KLF3: variants seen among roughly 807,000 people sequenced by gnomAD.
KLF3 encodes the protein KLF transcription factor 3.
KLF3 carries 6 observed loss-of-function variants against 32.7 expected under a neutral mutation model. The ratio of observed to expected loss-of-function variants is 0.18; its 90% CI spans 0.10 to 0.36. KLF3 has a LOEUF of 0.36. Ranked by LOEUF, KLF3 falls within the 10% of genes least tolerant of loss-of-function variation. The probability of loss-of-function intolerance (pLI) is 1.00; values close to 1 mark genes in which losing one functional copy is unlikely to be tolerated. For synonymous variants in KLF3, 145 were observed against 172.8 expected, an observed-to-expected ratio of 0.84 and a Z score of 1.26; for missense variants, 338 against 449.7, an observed-to-expected ratio of 0.75 and a Z score of 2.25.
intron 2 of KLF3, chr4:38,680,942 C>T (rs1011140269): frequency 5.8e-5 from 18 of 308,556 alleles, no homozygotes; most frequent in Admixed American, 2.0e-4. Context: ...CCCAGCTACT[C>T]GGGAGGCTGA....
Position 38,688,290 on chromosome 4 carries a change from G to A in KLF3, c.58-295G>A, listed in dbSNP as rs1243395537. ...CTGTCTTAGAATTTTGCCAGGTATC[G>A]GCCTTAATGTTTGACACAGGAATCA... On this transcript the variant is annotated intron_variant, in intron 2 of 5. Transcript: ENST00000261438. The surrounding 1 kb of genome is among the most constrained non-coding windows in gnomAD (Gnocchi z 4.9). 6.6e-6 allele frequency among the ~76,000 whole-genome samples: 1 copy of A among 152,096 alleles called. No homozygotes were observed. The highest frequency in any genetic ancestry group is 2.4e-5 in the African/African-American group (1 of 41,398).
At chr4:38,679,679 C>A (rs544642023) in intron 1 of KLF3, among the ~76,000 whole-genome samples, 4 of 152,114 alleles carry the variant, frequency 2.6e-5, no homozygotes, top group African/African-American at 4.8e-5. Flanking sequence ...CACAGTGGCA[C>A]GGGGGATTTG....
In KLF3 at chr4:38,697,273, T is replaced by C. The variant is rs1212764242; in HGVS notation, c.*10T>C. 6.3e-7 allele frequency: 1 copy of C among 1,592,000 alleles called. No homozygotes were observed. Among genetic ancestry groups the C allele is most frequent in the Non-Finnish European group, 8.6e-7 (1 of 1,166,116 alleles). On this transcript the variant is annotated 3_prime_UTR_variant, in exon 6 of 6. Transcript: ENST00000261438. Reference sequence around the variant, plus strand: ...CCACATGCTAGTCTGATTGCCTCTGTGTCCTGCCTCAGCGTGACTCCCCAC... The same window carrying C: ...CCACATGCTAGTCTGATTGCCTCTGCGTCCTGCCTCAGCGTGACTCCCCAC...
In KLF3 at chr4:38,671,402, ATG is replaced by A. The variant is rs1475955236; in HGVS notation, c.-40+6945_-40+6946del. Among the ~76,000 whole-genome samples the A allele has an allele frequency of 6.6e-6, 1 of 152,208 alleles. No individual in the cohort carries two copies. Among genetic ancestry groups the A allele is most frequent in the Non-Finnish European group, 1.5e-5 (1 of 68,032 alleles). On this transcript the variant is annotated intron_variant, in intron 1 of 5. Coordinates refer to ENST00000261438, the MANE Select transcript of KLF3 (RefSeq NM_016531.6). This position sits in a 1 kb window ranked among gnomAD's most constrained non-coding sequence, Gnocchi z 4.4. ...AATTGCCTAATTTGGGGCCTTCAGA[ATG>A]TGTCTTTTGATCTTGCATCCAAGTG... is the stretch of plus-strand genomic sequence containing the variant.
At chr4:38,677,386 A>T (rs911207480) in intron 1 of KLF3, among the ~76,000 whole-genome samples, 9 of 152,246 alleles carry the variant, frequency 5.9e-5, no homozygotes, top group Non-Finnish European at 1.5e-5. Flanking sequence ...TGATAAAAAG[A>T]TGTAGCACAT....
At chr4:38,682,098 G>A (rs1012931632) in intron 2 of KLF3, among the ~76,000 whole-genome samples, 15 of 152,250 alleles carry the variant, frequency 9.9e-5, no homozygotes, top group African/African-American at 3.4e-4. Context: ...TCACTCTGTC[G>A]CCTAGGCGGG....
At chr4:38,689,147 A>G in intron 3 of KLF3, 76 bp downstream of exon 3, 1 of 1,555,506 alleles carries the variant, frequency 6.4e-7, no homozygotes, top group Non-Finnish European at 8.8e-7. Context: ...TGGGTGAGGA[A>G]GCATGGGGGC....
At chr4:38,680,287 C>T (rs998625795) in intron 1 of KLF3, among the ~76,000 whole-genome samples, 5 of 151,950 alleles carry the variant, frequency 3.3e-5, no homozygotes, top group African/African-American at 1.2e-4. Flanking sequence ...CATTTCGGCT[C>T]ACTGCAACCT....
intron 1 of KLF3, among the ~76,000 whole-genome samples, chr4:38,678,263 A>G (rs769661853): frequency 1.3e-5 from 2 of 152,180 alleles, no homozygotes; most frequent in Non-Finnish European, 2.9e-5. Context: ...TCTTTTGTTT[A>G]TGGTCCACTG....
chr4:38,676,032 C>G (rs773052332), intron 1 of KLF3, among the ~76,000 whole-genome samples: 1 of 152,162 alleles, frequency 6.6e-6, no homozygotes, highest in Non-Finnish European at 1.5e-5. Flanking sequence ...AAATTTTTTG[C>G]AAATACATAA....
intron 4 of KLF3, among the ~76,000 whole-genome samples, chr4:38,691,915 T>C (rs1004453733): frequency 6.6e-6 from 1 of 152,170 alleles, no homozygotes; most frequent in Non-Finnish European, 1.5e-5. Flanking sequence ...GCCCCAATAA[T>C]ATTTGCCTTA....
In KLF3 at chr4:38,700,200, G is replaced by C. The variant is rs1019396431; in HGVS notation, c.*2937G>C. 6.6e-6 allele frequency: 1 copy of C among 152,130 alleles called. No individual in the cohort carries two copies. The highest frequency in any genetic ancestry group is 2.4e-5 in the African/African-American group (1 of 41,428). 9.4% of individuals were successfully genotyped at this position (152,130 alleles called of 1,614,324 possible). On this transcript the variant is annotated 3_prime_UTR_variant, in exon 6 of 6. Transcript: ENST00000261438. ...TTAGCAGCATAGCTATATTCAACTAGGGAGATGCTAAATACACAGAAGTTT... is the reference window on the plus strand; with the variant it reads ...TTAGCAGCATAGCTATATTCAACTACGGAGATGCTAAATACACAGAAGTTT...
Position 38,700,409 on chromosome 4 carries a change from T to C in KLF3, c.*3146T>C, listed in dbSNP as rs1723164725. The C allele has an allele frequency of 6.6e-6, 1 of 152,240 alleles. No individual in the cohort carries two copies. 9.4% of individuals were successfully genotyped at this position (152,240 alleles called of 1,614,324 possible). A position where few individuals can be genotyped will look rare whatever the true frequency, so the allele number is the denominator to read the frequency against. On this transcript the variant is annotated 3_prime_UTR_variant, in exon 6 of 6. Transcript: ENST00000261438. ...AGACAATCTGAAAGATCTAAGGTTT[T>C]AAAATAATTTGGTTTGAAAATATAC...
intron 5 of KLF3, 42 bp downstream of exon 5, chr4:38,694,948 A>C: frequency 6.4e-7 from 1 of 1,562,806 alleles, no homozygotes; most frequent in Non-Finnish European, 8.6e-7. Context: ...CTTCTTAAGA[A>C]GTATTAGAAT....
rs1579128429 is a variant in KLF3, at chr4:38,688,243, G to A, written c.58-342G>A. ...CCACCTCTGACTCCTAATGATAATGGCCCCCAAGCCTGTGCTATCACCTGT... is the reference window on the plus strand; with the variant it reads ...CCACCTCTGACTCCTAATGATAATGACCCCCAAGCCTGTGCTATCACCTGT... On this transcript the variant is annotated intron_variant, in intron 2 of 5. Coordinates refer to ENST00000261438, the MANE Select transcript of KLF3 (RefSeq NM_016531.6). The surrounding 1 kb of genome is among the most constrained non-coding windows in gnomAD (Gnocchi z 4.9). 6.6e-6 allele frequency among the ~76,000 whole-genome samples: 1 copy of A among 152,116 alleles called. No homozygotes were observed. Among genetic ancestry groups the A allele is most frequent in the African/African-American group, 2.4e-5 (1 of 41,432 alleles).
intron 1 of KLF3, among the ~76,000 whole-genome samples, chr4:38,665,091 G>C (rs1273984228): frequency 2.0e-5 from 3 of 151,766 alleles, no homozygotes; most frequent in African/African-American, 7.3e-5. Flanking sequence ...AAGAAACTTA[G>C]GGCAATTGGG....
At chr4:38,689,591 G>A (rs1398392345) in intron 3 of KLF3, 138 bp from the exon 4 acceptor site, 1 of 620,544 alleles carries the variant, frequency 1.6e-6, no homozygotes, top group African/African-American at 1.9e-5. Flanking sequence ...ATCTCCCACA[G>A]ATTTGTTCCT....
intron 1 of KLF3, among the ~76,000 whole-genome samples, chr4:38,678,430 A>C (rs181536858): frequency 2.8e-4 from 42 of 152,332 alleles, no homozygotes; most frequent in African/African-American, 1.0e-3. Flanking sequence ...TCTTGCTGGA[A>C]TACATAAGAG....
intron 1 of KLF3, among the ~76,000 whole-genome samples, chr4:38,668,043 C>T (rs1353388893): frequency 4.6e-5 from 7 of 152,080 alleles, no homozygotes; most frequent in Admixed American, 4.6e-4. Flanking sequence ...TTAAAAAGCT[C>T]AAAGGAGAAC....
Sources: allele counts gnomAD v4.1 joint callset (sites outside exome capture counted in the v4.1 genomes callset), GRCh38; gene constraint gnomAD v4.1.1; non-coding constraint Gnocchi (gnomAD v3.1); transcripts MANE v1.5; gene names NCBI Gene and HGNC (gene_info 2026-07-23, HGNC 2026-07-21).